Variants in RAB30 observed in about 807,000 individuals in gnomAD.
RAB30 encodes the protein ras-related protein Rab-30.
Under a neutral mutation model 25.1 loss-of-function variants are expected in RAB30, and 9 were observed. That is an observed-to-expected ratio of 0.36 (90% CI 0.22 to 0.63). The LOEUF is 0.63. RAB30 is among the 20% of genes least tolerant of loss of function. The probability of loss-of-function intolerance (pLI) is 0.69; values close to 1 mark genes in which losing one functional copy is unlikely to be tolerated. For missense variants in RAB30, 140 were observed against 243.5 expected, an observed-to-expected ratio of 0.58 and a Z score of 2.83; for synonymous variants, 77 against 86.4, an observed-to-expected ratio of 0.89 and a Z score of 0.60.
At chr11:82,999,367 C>T (rs765183229) in intron 1 of RAB30, among the ~76,000 whole-genome samples, 2 of 152,198 alleles carry the variant, frequency 1.3e-5, no homozygotes, top group Non-Finnish European at 2.9e-5. Context: ...CCTGGCTGCA[C>T]TGACCTTCTA....
chr11:82,998,272 G>A (rs565699843), intron 1 of RAB30, among the ~76,000 whole-genome samples: 29 of 152,116 alleles, frequency 1.9e-4, no homozygotes, highest in Non-Finnish European at 4.0e-4. Context: ...CTTATGTGTA[G>A]GCCTTAGTTT....
chr11:83,002,513 T>C (rs527694734), intron 1 of RAB30, among the ~76,000 whole-genome samples: 3 of 149,960 alleles, frequency 2.0e-5, no homozygotes, highest in African/African-American at 7.4e-5. Context: ...ACTGGAAAAA[T>C]AGATAAGCAA....
rs953813654 is a variant in RAB30 at position 82,980,014 on chromosome 11, C to G, written c.*2151G>C. The G allele has an allele frequency of 6.6e-6, 1 of 152,190 alleles. No homozygotes were observed. Among genetic ancestry groups the G allele is most frequent in the African/African-American group, 2.4e-5 (1 of 41,456 alleles). 9.4% of individuals were successfully genotyped at this position (152,190 alleles called of 1,614,324 possible). ...AGCAACTTTATTTTCAACACACTTG[C>G]AACTGTGAGACAAAGTTGGGTCATC... On this transcript the variant is annotated 3_prime_UTR_variant, in exon 5 of 5. Coordinates refer to ENST00000527633, the MANE Select transcript of RAB30 (RefSeq NM_001286060.2).
rs1325311173 is a variant in RAB30 at position 82,981,847 on chromosome 11, T to TC, written c.*317dup. On this transcript the variant is annotated 3_prime_UTR_variant, in exon 5 of 5. Coordinates refer to ENST00000527633, the MANE Select transcript of RAB30 (RefSeq NM_001286060.2). ...GCAGGAGGGATCCCTACAGTACATT[T>TC]CCCCCCGGACTCTGTTTAGGAATGC... is the stretch of plus-strand genomic sequence containing the variant. The TC allele has an allele frequency of 9.6e-5, 29 of 303,322 alleles. 2 individuals are homozygous for TC. In the South Asian group the frequency reaches 1.1e-3, roughly 11 times the overall value. 18.8% of individuals were successfully genotyped at this position (303,322 alleles called of 1,614,324 possible).
chr11:83,033,864 G>T (rs1857930904), intron 1 of RAB30, among the ~76,000 whole-genome samples: 1 of 151,696 alleles, frequency 6.6e-6, no homozygotes, highest in Non-Finnish European at 1.5e-5. Flanking sequence ...TCCAAAGAAT[G>T]ATCAGATCAA....
At chr11:83,015,810 T>C (rs1857423129) in intron 1 of RAB30, among the ~76,000 whole-genome samples, 1 of 152,126 alleles carries the variant, frequency 6.6e-6, no homozygotes, top group African/African-American at 2.4e-5. Context: ...TGATCAGTCT[T>C]GTCAAATGCT....
intron 1 of RAB30, among the ~76,000 whole-genome samples, chr11:83,059,760 A>G (rs534663745): frequency 6.6e-6 from 1 of 152,378 alleles, no homozygotes; most frequent in South Asian, 2.1e-4. Flanking sequence ...GGGCCAAATA[A>G]ATAAGATAGG....
chr11:83,034,671 G>C (rs749161599), intron 1 of RAB30: 1 of 152,170 alleles, frequency 6.6e-6, no homozygotes, highest in African/African-American at 2.4e-5. Flanking sequence ...TAAAGGGGCC[G>C]TATTTCAGAT....
intron 1 of RAB30, among the ~76,000 whole-genome samples, chr11:83,000,024 T>A (rs1857043587): frequency 6.6e-6 from 1 of 152,170 alleles, no homozygotes; most frequent in South Asian, 2.1e-4. Context: ...CCCATCATCA[T>A]CATCTCATTC....
intron 1 of RAB30, among the ~76,000 whole-genome samples, chr11:83,011,375 G>T (rs1029771244): frequency 2.0e-5 from 3 of 152,098 alleles, no homozygotes; most frequent in African/African-American, 7.2e-5. Context: ...TATAAATCTT[G>T]TACTATAACA....
intron 3 of RAB30, among the ~76,000 whole-genome samples, chr11:82,993,316 A>C (rs115310958): frequency 0.019 from 2,904 of 152,328 alleles, 90 homozygotes; most frequent in African/African-American, 0.066. Context: ...ATCTATGTGT[A>C]GCCATGGATA....
intron 1 of RAB30, among the ~76,000 whole-genome samples, chr11:83,027,624 C>T (rs1857755309): frequency 6.6e-6 from 1 of 152,076 alleles, no homozygotes; most frequent in African/African-American, 2.4e-5. Context: ...TGTCACATAC[C>T]ATATAATTCA....
intron 1 of RAB30, among the ~76,000 whole-genome samples, chr11:83,030,312 C>T (rs1458976034): frequency 6.7e-6 from 1 of 149,754 alleles, no homozygotes; most frequent in African/African-American, 2.5e-5. Flanking sequence ...GCCTGGGTAA[C>T]ATGGTGAGAC....
intron 1 of RAB30, among the ~76,000 whole-genome samples, chr11:83,028,062 C>CA (rs1351211997): frequency 4.6e-5 from 7 of 150,986 alleles, no homozygotes; most frequent in Admixed American, 2.0e-4. Flanking sequence ...ATGGCAAACA[C>CA]AAAAAAAAGT....
intron 1 of RAB30, among the ~76,000 whole-genome samples, chr11:83,010,996 A>T (rs184079998): frequency 5.9e-5 from 9 of 152,366 alleles, no homozygotes; most frequent in Admixed American, 5.9e-4. Flanking sequence ...TGCATTTGTC[A>T]GGACTGCAGC....
intron 1 of RAB30, among the ~76,000 whole-genome samples, chr11:83,056,280 GT>G (rs1013075115): frequency 6.6e-6 from 1 of 152,112 alleles, no homozygotes; most frequent in East Asian, 1.9e-4. Flanking sequence ...TACAAAATGT[GT>G]TTTTTTGTGA....
intron 1 of RAB30, among the ~76,000 whole-genome samples, chr11:83,024,884 A>C (rs542882027): frequency 6.6e-6 from 1 of 152,220 alleles, no homozygotes; most frequent in African/African-American, 2.4e-5. Flanking sequence ...AGTTTGTTTG[A>C]CTACTAGTTA....
At position 82,973,771 on chromosome 11, in the gene RAB30, G is replaced by A. The variant is rs1040633077; in HGVS notation, c.*8394C>T. 5.3e-5 allele frequency: 8 copies of A among 152,164 alleles called. No homozygotes were observed. Among genetic ancestry groups the A allele is most frequent in the Non-Finnish European group, 1.0e-4 (7 of 68,014 alleles). The allele number at this position is 152,164 out of a possible 1,614,324, so 9.4% of individuals were successfully genotyped here. ...TGTCAGACTAATTGTTTTTAAGAGA[G>A]ATGTGAAAACATACACCCATACAAA... On this transcript the variant is annotated 3_prime_UTR_variant, in exon 5 of 5. Transcript: ENST00000527633.
At chr11:83,058,126 T>C (rs1229132444) in intron 1 of RAB30, among the ~76,000 whole-genome samples, 3 of 152,232 alleles carry the variant, frequency 2.0e-5, no homozygotes, top group Admixed American at 1.3e-4. Flanking sequence ...TTCACCCAGA[T>C]TACTCAAATG....
Sources: gnomAD v4.1 joint callset for allele counts (sites outside exome capture counted in the v4.1 genomes callset) on GRCh38, gnomAD v4.1.1 for gene constraint, MANE v1.5 for transcripts, NCBI Gene and HGNC (gene_info 2026-07-23, HGNC 2026-07-21) for gene names.